CPLX2: variants seen among roughly 807,000 people sequenced by gnomAD.
The protein encoded by CPLX2 is complexin 2.
In CPLX2, 5 loss-of-function variants were observed where a neutral mutation model predicts 16.3. The ratio of observed to expected loss-of-function variants is 0.31; its 90% CI spans 0.16 to 0.64. The LOEUF is 0.64. Among genes scored for constraint, CPLX2 ranks in the 30% least tolerant of loss-of-function variants. The pLI is 0.79. For synonymous variants in CPLX2, 89 were observed against 73.2 expected, an observed-to-expected ratio of 1.22 and a Z score of -1.10; for missense variants, 144 against 181.4, an observed-to-expected ratio of 0.79 and a Z score of 1.18.
At position 175,830,397 on chromosome 5, in the gene CPLX2, G is replaced by A. The variant is rs1483575967; in HGVS notation, c.-89+21329G>A. On this transcript the variant is annotated intron_variant, in intron 2 of 4. Transcript: ENST00000359546. The surrounding 1 kb of genome is among the most constrained non-coding windows in gnomAD (Gnocchi z 4.0). Reference sequence around the variant, plus strand: ...CACAGCCAGGGAGCAGCAGAGCCCAGGTATGAACCATCATGCCTGTCTCCT... The same window carrying A: ...CACAGCCAGGGAGCAGCAGAGCCCAAGTATGAACCATCATGCCTGTCTCCT... Among the ~76,000 whole-genome samples the A allele has an allele frequency of 6.6e-6, 1 of 152,140 alleles. No homozygotes were observed. The highest frequency in any genetic ancestry group is 1.5e-5 in the Non-Finnish European group (1 of 68,022).
intron 1 of CPLX2, chr5:175,871,947 G>A (rs966401438): frequency 6.6e-6 from 1 of 152,286 alleles, no homozygotes; most frequent in African/African-American, 2.4e-5. Context: ...CAGGCAGCTA[G>A]CTGCGAACTA....
At chr5:175,828,706 G>A (rs528709629) in intron 2 of CPLX2, among the ~76,000 whole-genome samples, 1 of 152,192 alleles carries the variant, frequency 6.6e-6, no homozygotes, top group East Asian at 1.9e-4. Flanking sequence ...GACCTAGATA[G>A]CCCCCACAGC....
At chr5:175,853,834 C>T (rs1189632639) in intron 2 of CPLX2, among the ~76,000 whole-genome samples, 2 of 152,178 alleles carry the variant, frequency 1.3e-5, no homozygotes, top group Non-Finnish European at 2.9e-5. Context: ...CAGCTTCCCC[C>T]TCTGTGGAGT....
chr5:175,807,293 G>A (rs370066341), intron 1 of CPLX2, among the ~76,000 whole-genome samples: 1 of 152,230 alleles, frequency 6.6e-6, no homozygotes, highest in Non-Finnish European at 1.5e-5. Context: ...AGTTTACTAA[G>A]CACATACTAT....
intron 1 of CPLX2, among the ~76,000 whole-genome samples, chr5:175,807,201 G>T (rs1427691176): frequency 6.6e-6 from 1 of 152,220 alleles, no homozygotes; most frequent in East Asian, 1.9e-4. Flanking sequence ...AATTCTAGTA[G>T]TTCACGCTTT....
Position 175,880,512 on chromosome 5 carries a change from A to C in CPLX2, c.*467A>C, listed in dbSNP as rs1411340525. The C allele has an allele frequency of 1.0e-5, 2 of 196,412 alleles. No individual in the cohort carries two copies. Among genetic ancestry groups the C allele is most frequent in the East Asian group, 2.9e-4 (2 of 6,862 alleles). 12.2% of individuals were successfully genotyped at this position (196,412 alleles called of 1,614,324 possible). A position where few individuals can be genotyped will look rare whatever the true frequency, so the allele number is the denominator to read the frequency against. ...GGCTCTGAGGAAGGGAGTCAGGGGA[A>C]GCCTGTCCCGGGAAGGCCCAGGCTG... On this transcript the variant is annotated 3_prime_UTR_variant, in exon 4 of 4. Coordinates refer to ENST00000393745, the MANE Select transcript of CPLX2 (RefSeq NM_001008220.2).
At chr5:175,805,083 A>G (rs1490599565) in intron 1 of CPLX2, among the ~76,000 whole-genome samples, 1 of 152,118 alleles carries the variant, frequency 6.6e-6, no homozygotes, top group Non-Finnish European at 1.5e-5. Flanking sequence ...CATTCGGTAA[A>G]CTCTTGCTGC....
In CPLX2 at chr5:175,881,632, G is replaced by C. The variant is rs900234500; in HGVS notation, c.*1587G>C. 6.5e-6 allele frequency: 1 copy of C among 152,784 alleles called. No individual in the cohort carries two copies. The highest frequency in any genetic ancestry group is 2.4e-5 in the African/African-American group (1 of 41,440). The allele number at this position is 152,784 out of a possible 1,614,324, so 9.5% of individuals were successfully genotyped here. A position where few individuals can be genotyped will look rare whatever the true frequency, so the allele number is the denominator to read the frequency against. On this transcript the variant is annotated 3_prime_UTR_variant, in exon 4 of 4. Transcript: ENST00000393745. ...GTGTGCGTGGGGAGAAAGAACGTGG[G>C]TAAGATGTCCCTTCCCAGCCCTGAG...
At chr5:175,871,429 GAGAC>G (rs1561790309), upstream of CPLX2, 12 of 91,310 alleles carry the variant, frequency 1.3e-4, no homozygotes, top group South Asian at 4.5e-4. Flanking sequence ...GAGAGAGAGA[GAGAC>G]AGAGAGAGAG....
At chr5:175,875,866 C>T (rs1226746131) in intron 1 of CPLX2, among the ~76,000 whole-genome samples, 2 of 152,042 alleles carry the variant, frequency 1.3e-5, no homozygotes, top group African/African-American at 4.8e-5. Flanking sequence ...AGAAGAGCTA[C>T]TTAGAGCCAC....
chr5:175,831,644 C>T (rs1581081381), intron 2 of CPLX2, among the ~76,000 whole-genome samples: 1 of 152,198 alleles, frequency 6.6e-6, no homozygotes. Flanking sequence ...AGCTGCCCAG[C>T]CCTGGTCCCG....
intron 2 of CPLX2, among the ~76,000 whole-genome samples, chr5:175,812,326 G>A (rs1581070040): frequency 6.6e-6 from 1 of 152,304 alleles, no homozygotes; most frequent in East Asian, 1.9e-4. Context: ...TGAGCTTCAG[G>A]TGAGCAGGGG....
At chr5:175,864,180 C>T in intron 2 of CPLX2, among the ~76,000 whole-genome samples, 1 of 44,874 alleles carries the variant, frequency 2.2e-5, no homozygotes, top group Non-Finnish European at 8.7e-5. Flanking sequence ...GAGATCACTC[C>T]CCCATTTCAC....
intron 2 of CPLX2, among the ~76,000 whole-genome samples, chr5:175,821,475 T>C (rs1225738698): frequency 6.6e-6 from 1 of 152,190 alleles, no homozygotes; most frequent in Non-Finnish European, 1.5e-5. Flanking sequence ...TGGCGCGATC[T>C]CGGCTCATTG....
chr5:175,879,806 C>T (rs373987331), intron 3 of CPLX2, 42 bp from the exon 4 acceptor site: 206 of 1,567,668 alleles, frequency 1.3e-4, no homozygotes, highest in Non-Finnish European at 1.2e-4. Flanking sequence ...TGTCTCCTTG[C>T]CCACCCCGCT....
In CPLX2 at chr5:175,872,671, T is replaced by C. The variant is rs1023285114; in HGVS notation, c.-89+966T>C. The C allele has an allele frequency of 6.6e-5, 10 of 151,768 alleles. No homozygotes were observed. Among genetic ancestry groups the C allele is most frequent in the African/African-American group, 1.9e-4 (8 of 41,304 alleles). The allele number at this position is 151,768 out of a possible 1,614,324, so 9.4% of individuals were successfully genotyped here. On this transcript the variant is annotated intron_variant, in intron 1 of 3. Transcript: ENST00000393745. The surrounding 1 kb of genome is among the most constrained non-coding windows in gnomAD (Gnocchi z 5.0). ...CGCTGCCCCTCCCCTCCCCCATGCG[T>C]CTCCCATCCCGGGCCACGGGGTGGG...
At chr5:175,871,410 G>GGA (rs72487413), upstream of CPLX2, 535 of 28,674 alleles carry the variant, frequency 0.019, 26 homozygotes, top group African/African-American at 0.058. Flanking sequence ...AAGAGAGAGA[G>GGA]GAGAGAGAGA....
chr5:175,860,542 T>A (rs57836100), intron 2 of CPLX2, among the ~76,000 whole-genome samples: 908 of 13,638 alleles, frequency 0.067, 21 homozygotes, highest in African/African-American at 0.21. Flanking sequence ...GAAAGAAAGA[T>A]AGATAGAAAG....
intron 1 of CPLX2, among the ~76,000 whole-genome samples, chr5:175,800,487 G>GA (rs11403547): frequency 0.81 from 119,699 of 147,896 alleles, 48,214 homozygotes; most frequent in East Asian, 0.86. Context: ...TCTGTCTCCA[G>GA]AAAAAAAAAA....
Sources: gnomAD v4.1 joint callset for allele counts (sites outside exome capture counted in the v4.1 genomes callset) on GRCh38, gnomAD v4.1.1 for gene constraint, Gnocchi (gnomAD v3.1) non-coding constraint, MANE v1.5 for transcripts, NCBI Gene and HGNC (gene_info 2026-07-23, HGNC 2026-07-21) for gene names.